KIAA1217: variants seen among roughly 807,000 people sequenced by gnomAD.
KIAA1217 encodes sickle tail protein homolog.
A neutral mutation model predicts 163.9 loss-of-function variants in KIAA1217; 88 were observed. The ratio of observed to expected loss-of-function variants is 0.54; its 90% CI spans 0.45 to 0.64. KIAA1217 has a LOEUF of 0.64. KIAA1217 is among the 30% of genes least tolerant of loss of function. KIAA1217 has a pLI of 0.00. For missense variants in KIAA1217, 2,372 were observed against 2,475.0 expected (o/e 0.96, Z 0.88); for synonymous variants, 903 against 923.1 (o/e 0.98, Z 0.39).
chr10:24,533,837 C>G (rs760446328), intron 16 of KIAA1217, among the ~76,000 whole-genome samples: 4 of 152,196 alleles, frequency 2.6e-5, no homozygotes, highest in Non-Finnish European at 4.4e-5. Context: ...ATGACACAGT[C>G]CACTCATAGG....
At chr10:24,134,596 C>A (rs190104162) in intron 2 of KIAA1217, among the ~76,000 whole-genome samples, 5 of 152,166 alleles carry the variant, frequency 3.3e-5, no homozygotes, top group Admixed American at 3.3e-4. Context: ...TTTTTAGAGG[C>A]AAAATCTCAC....
intron 1 of KIAA1217, among the ~76,000 whole-genome samples, chr10:23,860,776 A>AT (rs997668539): frequency 9.3e-5 from 14 of 150,998 alleles, no homozygotes; most frequent in East Asian, 3.9e-4. Flanking sequence ...GTTCTTGTGT[A>AT]TTTTTTTTTC....
intron 1 of KIAA1217, among the ~76,000 whole-genome samples, chr10:23,705,651 A>G (rs1836834151): frequency 6.6e-6 from 1 of 152,152 alleles, no homozygotes; most frequent in African/African-American, 2.4e-5. Flanking sequence ...GCTTTGAAAT[A>G]AGTTTTTAAA....
At chr10:23,975,929 T>C (rs12244385) in intron 1 of KIAA1217, among the ~76,000 whole-genome samples, 9,862 of 152,176 alleles carry the variant, frequency 0.065, 1,083 homozygotes, top group African/African-American at 0.22. Context: ...CTTGATGACC[T>C]GTCAGGGCTG....
In KIAA1217 at chr10:24,526,284, G is replaced by T. The variant is rs1012269809; in HGVS notation, c.2898+1520G>T. ...GAACACTAGGTGGTTTCTCTGTGTC[G>T]CAAGGGCCCTGGCTTGCCTCTAATC... On this transcript the variant is annotated intron_variant, in intron 13 of 20. Transcript: ENST00000376454. Among the ~76,000 whole-genome samples the T allele has an allele frequency of 3.0e-4, 45 of 152,058 alleles. 2 individuals carry two copies. The highest frequency in any genetic ancestry group is 5.9e-5 in the Non-Finnish European group (4 of 68,010).
At chr10:24,139,787 G>A (rs2063979520) in intron 2 of KIAA1217, among the ~76,000 whole-genome samples, 1 of 152,102 alleles carries the variant, frequency 6.6e-6, no homozygotes, top group Non-Finnish European at 1.5e-5. Context: ...AAGACCCCCA[G>A]TGAATGCCTG....
intron 1 of KIAA1217, among the ~76,000 whole-genome samples, chr10:23,916,564 A>T (rs933196597): frequency 1.3e-5 from 2 of 152,196 alleles, no homozygotes; most frequent in Admixed American, 1.3e-4. Context: ...AATACATAGT[A>T]CCTTTCAAAC....
chr10:23,746,054 T>C (rs1329795501), intron 1 of KIAA1217, among the ~76,000 whole-genome samples: 3 of 152,198 alleles, frequency 2.0e-5, no homozygotes, highest in Admixed American at 2.0e-4. Context: ...CCTACAAATC[T>C]CATGTTGAAA....
At chr10:23,778,029 G>C (rs950333115) in intron 1 of KIAA1217, among the ~76,000 whole-genome samples, 6 of 150,174 alleles carry the variant, frequency 4.0e-5, no homozygotes, top group Admixed American at 4.0e-4. Context: ...TGTAACCACC[G>C]CCTCCGGGTT....
At chr10:23,815,452 G>T (rs569205466) in intron 1 of KIAA1217, among the ~76,000 whole-genome samples, 1 of 152,230 alleles carries the variant, frequency 6.6e-6, no homozygotes, top group South Asian at 2.1e-4. Context: ...AGACCATCCT[G>T]GCTAACACGG....
At chr10:24,076,964 G>C (rs1358919396) in intron 2 of KIAA1217, among the ~76,000 whole-genome samples, 1 of 150,518 alleles carries the variant, frequency 6.6e-6, no homozygotes, top group Non-Finnish European at 1.5e-5. Context: ...GCAACTGCCA[G>C]CTCCCAGGTT....
intron 1 of KIAA1217, among the ~76,000 whole-genome samples, chr10:23,717,717 G>C (rs1837656507): frequency 6.6e-6 from 1 of 152,084 alleles, no homozygotes; most frequent in East Asian, 1.9e-4. Context: ...GATGAAATTA[G>C]TATGCAAAAT....
At chr10:24,202,060 G>A (rs1435023582) in intron 2 of KIAA1217, among the ~76,000 whole-genome samples, 1 of 152,198 alleles carries the variant, frequency 6.6e-6, no homozygotes, top group Non-Finnish European at 1.5e-5. Flanking sequence ...AGGTGTGGCT[G>A]CAGGACTGTC....
chr10:23,939,477 T>G (rs12354660), intron 1 of KIAA1217, among the ~76,000 whole-genome samples: 30,421 of 152,084 alleles, frequency 0.2, 3,317 homozygotes, highest in Middle Eastern at 0.27. Flanking sequence ...GCAGTAGATT[T>G]TAGGAGAAAG....
intron 3 of KIAA1217, among the ~76,000 whole-genome samples, chr10:24,429,300 C>G (rs1205635397): frequency 6.6e-6 from 1 of 152,122 alleles, no homozygotes; most frequent in East Asian, 1.9e-4. Flanking sequence ...CAGTGACAAA[C>G]CTGTGTGTTG....
chr10:23,790,696 TACAC>T (rs982415985), intron 1 of KIAA1217, among the ~76,000 whole-genome samples: 3 of 122,472 alleles, frequency 2.4e-5, no homozygotes, highest in Non-Finnish European at 4.8e-5. Flanking sequence ...TATGTATATA[TACAC>T]ACACATATAT....
At chr10:24,522,838 G>A (rs968150668) in intron 12 of KIAA1217, among the ~76,000 whole-genome samples, 1 of 152,174 alleles carries the variant, frequency 6.6e-6, no homozygotes, top group Non-Finnish European at 1.5e-5. Context: ...GGTATTACAG[G>A]CGGTGGCGTG....
At chr10:24,041,842 G>T (rs767404047) in intron 2 of KIAA1217, among the ~76,000 whole-genome samples, 4 of 151,980 alleles carry the variant, frequency 2.6e-5, no homozygotes, top group Non-Finnish European at 5.9e-5. Flanking sequence ...CACACATCTG[G>T]CTCATTTTTA....
intron 2 of KIAA1217, among the ~76,000 whole-genome samples, chr10:24,144,070 A>G (rs1196309584): frequency 6.6e-6 from 1 of 152,226 alleles, no homozygotes; most frequent in African/African-American, 2.4e-5. Flanking sequence ...TAGAAAAGTG[A>G]GAGGAAAAAG....
Sources: allele counts gnomAD v4.1 joint callset (sites outside exome capture counted in the v4.1 genomes callset), GRCh38; gene constraint gnomAD v4.1.1; transcripts MANE v1.5; gene names NCBI Gene and HGNC (gene_info 2026-07-23, HGNC 2026-07-21).